The following DOCK7 variants were observed in gnomAD, a reference collection of about 807,000 sequenced individuals.
The protein encoded by DOCK7 is dedicator of cytokinesis 7, also known as dedicator of cytokinesis protein 7.
In DOCK7, 138 loss-of-function variants were observed where a neutral mutation model predicts 271.0. The observed-to-expected ratio is 0.51, with a 90% CI of 0.44 to 0.59. The LOEUF (loss-of-function observed/expected upper bound fraction) is 0.59, where lower values mean the gene tolerates loss of function less well. Ranked by LOEUF, DOCK7 falls within the 20% of genes least tolerant of loss-of-function variation. The pLI, the probability that DOCK7 is intolerant of heterozygous loss-of-function variation, is 0.00. For synonymous variants in DOCK7, 823 were observed against 876.1 expected, an observed-to-expected ratio of 0.94 and a Z score of 1.07; for missense variants, 2,066 against 2,592.4, an observed-to-expected ratio of 0.80 and a Z score of 4.41.
intron 1 of DOCK7, among the ~76,000 whole-genome samples, chr1:62,667,476 A>G (rs1358402401): frequency 6.6e-6 from 1 of 152,224 alleles, no homozygotes; most frequent in East Asian, 1.9e-4. Context: ...AAAACTGATG[A>G]ATGATGGGTT....
intron 16 of DOCK7, among the ~76,000 whole-genome samples, chr1:62,581,234 G>C (rs578229880): frequency 1.3e-5 from 2 of 152,086 alleles, no homozygotes; most frequent in South Asian, 4.1e-4. Context: ...AATAAGTAAA[G>C]GGATTTGGTA....
intron 26 of DOCK7, 32 bp from the exon 27 acceptor site, chr1:62,539,690 T>A: frequency 6.2e-7 from 1 of 1,610,082 alleles, no homozygotes; most frequent in South Asian, 1.1e-5. Context: ...AAAAACAAAT[T>A]AAAGTATGAT....
intron 12 of DOCK7, among the ~76,000 whole-genome samples, chr1:62,622,822 C>T (rs774395677): frequency 7.2e-5 from 11 of 151,732 alleles, no homozygotes; most frequent in Non-Finnish European, 1.3e-4. Flanking sequence ...CCCAGCTACT[C>T]GGGAGGCTGA....
At chr1:62,614,569 C>A (rs1652210454) in intron 14 of DOCK7, among the ~76,000 whole-genome samples, 1 of 151,898 alleles carries the variant, frequency 6.6e-6, no homozygotes, top group Admixed American at 6.6e-5. Flanking sequence ...CTTTTCAAAC[C>A]AATCTCTCTC....
intron 37 of DOCK7, among the ~76,000 whole-genome samples, chr1:62,504,026 G>A (rs1270638631): frequency 2.7e-5 from 4 of 145,924 alleles, no homozygotes; most frequent in African/African-American, 7.6e-5. Flanking sequence ...CAGCCTGGGC[G>A]ACTGAGTGAG....
At chr1:62,524,377 C>T (rs959795976) in intron 31 of DOCK7, among the ~76,000 whole-genome samples, 16 of 152,018 alleles carry the variant, frequency 1.1e-4, no homozygotes, top group African/African-American at 3.6e-4. Flanking sequence ...AGAAAATACT[C>T]TAAATAAAAG....
chr1:62,510,463 A>G, intron 34 of DOCK7, 114 bp downstream of exon 34: 1 of 623,946 alleles, frequency 1.6e-6, no homozygotes, highest in Non-Finnish European at 2.5e-6. Flanking sequence ...AAGACTTAAT[A>G]TATTTATTAA....
At chr1:62,682,785 C>T (rs1357550227) in intron 1 of DOCK7, among the ~76,000 whole-genome samples, 1 of 152,086 alleles carries the variant, frequency 6.6e-6, no homozygotes, top group African/African-American at 2.4e-5. Context: ...CTCAATAGAT[C>T]TTTGTTTTAG....
intron 14 of DOCK7, chr1:62,602,441 C>A: frequency 2.8e-6 from 4 of 1,423,920 alleles, no homozygotes; most frequent in South Asian, 2.3e-5. Context: ...TACTGAGAAC[C>A]TCTTATGGAC....
intron 48 of DOCK7, among the ~76,000 whole-genome samples, chr1:62,467,246 CCAAT>C (rs1024777801): frequency 7.2e-5 from 11 of 152,092 alleles, no homozygotes; most frequent in African/African-American, 2.2e-4. Context: ...TACAACAGGG[CCAAT>C]CAAAGAAACC....
At chr1:62,632,686 T>C (rs1282377651) in intron 10 of DOCK7, among the ~76,000 whole-genome samples, 2 of 152,162 alleles carry the variant, frequency 1.3e-5, no homozygotes. Context: ...ATACACATTC[T>C]AGCAATTAGG....
At chr1:62,597,381 T>C (rs1364026039) in intron 14 of DOCK7, 9 of 578,462 alleles carry the variant, frequency 1.6e-5, no homozygotes, top group South Asian at 5.0e-5. Context: ...TCATTTAGCA[T>C]TGATCTAACT....
At chr1:62,565,073 A>T (rs1284927512) in intron 18 of DOCK7, among the ~76,000 whole-genome samples, 1 of 152,140 alleles carries the variant, frequency 6.6e-6, no homozygotes, top group African/African-American at 2.4e-5. Context: ...CTACCAACAA[A>T]AAAAGTCCAG....
rs770283117 is a variant in DOCK7 at position 62,504,756 on chromosome 1, C to CT, written c.4637dup (p.Thr1547AspfsTer6). ...GGCATAAATCAGCACACTGCTCTGT[C>CT]TCTTCTTCAAATAAGAGTTCAGGAA... On this transcript the variant is annotated frameshift_variant, in exon 37 of 50. Transcript: ENST00000635253. LOFTEE classifies it high-confidence loss of function. The CT allele has an allele frequency of 2.5e-6, 4 of 1,613,310 alleles. No individual in the cohort carries two copies. Among genetic ancestry groups the CT allele is most frequent in the African/African-American group, 2.7e-5 (2 of 74,884 alleles).
intron 14 of DOCK7, among the ~76,000 whole-genome samples, chr1:62,593,206 A>T (rs1303499145): frequency 2.6e-5 from 4 of 152,178 alleles, no homozygotes; most frequent in African/African-American, 9.7e-5. Flanking sequence ...CCAAAATGTT[A>T]ATAGAGTCGA....
At chr1:62,667,714 T>C (rs1356406556) in intron 1 of DOCK7, among the ~76,000 whole-genome samples, 1 of 148,980 alleles carries the variant, frequency 6.7e-6, no homozygotes, top group Non-Finnish European at 1.5e-5. Context: ...GAGACTCCAT[T>C]TCAAAAATAA....
At chr1:62,541,711 G>A (rs923316171) in intron 25 of DOCK7, among the ~76,000 whole-genome samples, 2 of 152,172 alleles carry the variant, frequency 1.3e-5, no homozygotes, top group East Asian at 1.9e-4. Flanking sequence ...TAGTAGTTAA[G>A]TTTTAGGTGA....
At chr1:62,521,795 G>T (rs912714234) in intron 31 of DOCK7, among the ~76,000 whole-genome samples, 1 of 152,052 alleles carries the variant, frequency 6.6e-6, no homozygotes, top group Non-Finnish European at 1.5e-5. Context: ...GGCCAACGTA[G>T]TGAAACCCTG....
chr1:62,620,032 A>T, intron 12 of DOCK7, 39 bp from the exon 13 acceptor site: 1 of 1,545,328 alleles, frequency 6.5e-7, no homozygotes, highest in Non-Finnish European at 8.9e-7. Context: ...TTGATAAAAC[A>T]AATATAGCCA....
Sources: allele counts gnomAD v4.1 joint callset (sites outside exome capture counted in the v4.1 genomes callset), GRCh38; gene constraint gnomAD v4.1.1; transcripts MANE v1.5; gene names NCBI Gene and HGNC (gene_info 2026-07-23, HGNC 2026-07-21).